The following ERBB4 variants were observed in gnomAD, a reference collection of about 807,000 sequenced individuals.
ERBB4 encodes receptor tyrosine-protein kinase erbB-4.
Under a neutral mutation model 158.0 loss-of-function variants are expected in ERBB4, and 42 were observed. That is an observed-to-expected ratio of 0.27 (90% CI 0.21 to 0.34). The LOEUF is 0.34. Ranked by LOEUF, ERBB4 falls within the 10% of genes least tolerant of loss-of-function variation. The pLI is 1.00. For missense variants in ERBB4, 1,333 were observed against 1,624.1 expected (o/e 0.82, Z 3.08); for synonymous variants, 583 against 558.7 (o/e 1.04, Z -0.61).
At chr2:212,222,227 C>A (rs2083311817) in intron 1 of ERBB4, among the ~76,000 whole-genome samples, 2 of 151,418 alleles carry the variant, frequency 1.3e-5, no homozygotes, top group Admixed American at 1.3e-4. Context: ...GCTTTATTAT[C>A]AGGAAATTCA....
intron 1 of ERBB4, 93 bp from the exon 2 acceptor site, chr2:212,124,996 C>A: frequency 7.1e-7 from 1 of 1,411,504 alleles, no homozygotes. Context: ...ATTCCACAAG[C>A]CTATCCCAGT....
At chr2:212,373,840 CATGTATATATCCATGTATATATCCAT>C (rs1433575432) in intron 1 of ERBB4, among the ~76,000 whole-genome samples, 92 of 73,766 alleles carry the variant, frequency 1.2e-3, no homozygotes, top group Non-Finnish European at 1.6e-3. Flanking sequence ...TATATATATC[CATGTATATATCCATGTATATATCCAT>C]ATATATATAT....
intron 5 of ERBB4, among the ~76,000 whole-genome samples, chr2:211,740,485 G>T (rs987302390): frequency 7.2e-5 from 11 of 151,876 alleles, no homozygotes; most frequent in Non-Finnish European, 1.5e-4. Flanking sequence ...TAATATAATG[G>T]ACAAAAACGT....
intron 2 of ERBB4, among the ~76,000 whole-genome samples, chr2:211,965,742 C>T (rs556721500): frequency 2.0e-5 from 3 of 152,194 alleles, no homozygotes; most frequent in African/African-American, 7.2e-5. Context: ...TCTCACAGAA[C>T]ATATTTTATA....
intron 20 of ERBB4, among the ~76,000 whole-genome samples, chr2:211,555,755 T>A (rs985972402): frequency 6.6e-6 from 1 of 152,152 alleles, no homozygotes; most frequent in Non-Finnish European, 1.5e-5. Context: ...ATAAGATCTT[T>A]TTCAGACAAG....
At chr2:212,226,717 A>G (rs2083483887) in intron 1 of ERBB4, among the ~76,000 whole-genome samples, 1 of 152,104 alleles carries the variant, frequency 6.6e-6, no homozygotes, top group African/African-American at 2.4e-5. Context: ...GCTTTTTTTA[A>G]TCTGTCTTAT....
At chr2:212,293,922 G>A (rs2086314066) in intron 1 of ERBB4, among the ~76,000 whole-genome samples, 1 of 150,224 alleles carries the variant, frequency 6.7e-6, no homozygotes, top group African/African-American at 2.4e-5. Flanking sequence ...TGATATGTGT[G>A]TGTAGAGAGA....
chr2:211,845,553 T>C (rs77669244), intron 3 of ERBB4, among the ~76,000 whole-genome samples: 6,339 of 152,220 alleles, frequency 0.042, 193 homozygotes, highest in Non-Finnish European at 0.063. Context: ...GCTCACCAGA[T>C]TGCCTTGATC....
At position 212,046,539 on chromosome 2, in the gene ERBB4, T is replaced by C. The variant is rs528818126; in HGVS notation, c.234+78213A>G. 6.6e-5 allele frequency among the ~76,000 whole-genome samples: 10 copies of C among 152,372 alleles called. No individual in the cohort carries two copies. The East Asian group carries it at 1.9e-3, about 29-fold the overall frequency. ...TGAGTTTCCATTTATATATTTACTATTACTTAGCAGTATTGATGTATTTAT... is the reference window on the plus strand; with the variant it reads ...TGAGTTTCCATTTATATATTTACTACTACTTAGCAGTATTGATGTATTTAT... On this transcript the variant is annotated intron_variant, in intron 2 of 27. Coordinates refer to ENST00000342788, the MANE Select transcript of ERBB4 (RefSeq NM_005235.3).
intron 16 of ERBB4, 98 bp from the exon 17 acceptor site, chr2:211,630,692 C>G (rs2125873970): frequency 9.1e-7 from 1 of 1,097,170 alleles, no homozygotes; most frequent in Non-Finnish European, 1.3e-6. Flanking sequence ...ATCCACATTT[C>G]ACAAATCTAG....
At chr2:212,206,107 A>C (rs1435060628) in intron 1 of ERBB4, among the ~76,000 whole-genome samples, 1 of 152,170 alleles carries the variant, frequency 6.6e-6, no homozygotes, top group Non-Finnish European at 1.5e-5. Flanking sequence ...AAGTTCACCC[A>C]GTTTTTATAT....
intron 3 of ERBB4, among the ~76,000 whole-genome samples, chr2:211,837,943 T>A (rs968128685): frequency 2.0e-5 from 3 of 151,962 alleles, no homozygotes; most frequent in African/African-American, 7.3e-5. Context: ...CATAAACATA[T>A]CTACAAAGCA....
chr2:212,219,118 T>G (rs1227620711), intron 1 of ERBB4, among the ~76,000 whole-genome samples: 1 of 151,348 alleles, frequency 6.6e-6, no homozygotes, highest in Non-Finnish European at 1.5e-5. Flanking sequence ...AATCATGAAG[T>G]GTCAGAGTTT....
At chr2:212,490,927 T>C (rs1290210459) in intron 1 of ERBB4, among the ~76,000 whole-genome samples, 1 of 151,756 alleles carries the variant, frequency 6.6e-6, no homozygotes, top group Admixed American at 6.6e-5. Context: ...TGAAAGTGAA[T>C]AGTATTTTTG....
Position 212,060,093 on chromosome 2 carries a change from C to T in ERBB4, c.234+64659G>A, listed in dbSNP as rs115604378. 8.1e-3 allele frequency among the ~76,000 whole-genome samples: 1,235 copies of T among 152,208 alleles called. 11 individuals are homozygous for T. The highest frequency in any genetic ancestry group is 0.027 in the African/African-American group (1,136 of 41,526). Reference sequence around the variant, plus strand: ...TCTACAAAGAACTTAAACAAATTTACAAATTACAATTGTTGTTACAAAAAA... The same window carrying T: ...TCTACAAAGAACTTAAACAAATTTATAAATTACAATTGTTGTTACAAAAAA... On this transcript the variant is annotated intron_variant, in intron 2 of 27. Transcript: ENST00000342788.
At chr2:211,684,765 C>T (rs1287549309) in intron 12 of ERBB4, among the ~76,000 whole-genome samples, 2 of 152,124 alleles carry the variant, frequency 1.3e-5, no homozygotes, top group African/African-American at 4.8e-5. Context: ...TCTGAAGGAC[C>T]CTATGAGGAG....
At chr2:211,872,508 A>G (rs12470608) in intron 3 of ERBB4, among the ~76,000 whole-genome samples, 21,077 of 152,094 alleles carry the variant, frequency 0.14, 1,655 homozygotes, top group Non-Finnish European at 0.17. Flanking sequence ...AAATCCCCTC[A>G]GTTTACAGAT....
At chr2:211,863,196 C>T (rs1352100288) in intron 3 of ERBB4, among the ~76,000 whole-genome samples, 1 of 149,742 alleles carries the variant, frequency 6.7e-6, no homozygotes, top group Non-Finnish European at 1.5e-5. Context: ...TGCAAAAACG[C>T]ACCAATCAGT....
chr2:211,804,724 G>A (rs1319134840), intron 3 of ERBB4, among the ~76,000 whole-genome samples: 1 of 151,832 alleles, frequency 6.6e-6, no homozygotes, highest in Non-Finnish European at 1.5e-5. Flanking sequence ...TCTGTATTCA[G>A]TACACAGGAA....
Sources: allele counts gnomAD v4.1 joint callset (sites outside exome capture counted in the v4.1 genomes callset), GRCh38; gene constraint gnomAD v4.1.1; transcripts MANE v1.5; gene names NCBI Gene and HGNC (gene_info 2026-07-23, HGNC 2026-07-21).